ARHGEF3: variants seen among roughly 807,000 people sequenced by gnomAD.
ARHGEF3 encodes the protein Rho guanine nucleotide exchange factor 3.
ARHGEF3 carries 28 observed loss-of-function variants against 63.2 expected under a neutral mutation model. The observed-to-expected ratio is 0.44, with a 90% CI of 0.33 to 0.61. The LOEUF is 0.61. Ranked by LOEUF, ARHGEF3 falls within the 20% of genes least tolerant of loss-of-function variation. The pLI, the probability that ARHGEF3 is intolerant of heterozygous loss-of-function variation, is 0.03. For missense variants in ARHGEF3, 533 were observed against 659.3 expected (o/e 0.81, Z 2.10); for synonymous variants, 266 against 254.2 (o/e 1.05, Z -0.44).
intron 3 of ARHGEF3, among the ~76,000 whole-genome samples, chr3:56,915,345 A>C (rs1353572456): frequency 1.3e-5 from 2 of 152,130 alleles, no homozygotes; most frequent in African/African-American, 4.8e-5. Flanking sequence ...GTATGCCTGT[A>C]GTCCCAGCTA....
chr3:56,977,169 C>G, intron 2 of ARHGEF3: 1 of 447,580 alleles, frequency 2.2e-6, no homozygotes. Context: ...GGATCCTGCC[C>G]CAGAGCTCCA....
chr3:56,810,260 T>C (rs758751430), intron 4 of ARHGEF3, among the ~76,000 whole-genome samples: 2 of 152,160 alleles, frequency 1.3e-5, no homozygotes, highest in Non-Finnish European at 2.9e-5. Context: ...CTCTCTAAAA[T>C]AGGCTGGGTG....
intron 1 of ARHGEF3, among the ~76,000 whole-genome samples, chr3:57,053,776 G>A (rs1224796096): frequency 6.6e-6 from 1 of 152,142 alleles, no homozygotes; most frequent in African/African-American, 2.4e-5. Flanking sequence ...CCCTGTCCCT[G>A]GCTTCTTCCA....
chr3:57,006,037 T>C (rs1702454279), intron 2 of ARHGEF3, among the ~76,000 whole-genome samples: 2 of 152,182 alleles, frequency 1.3e-5, no homozygotes, highest in African/African-American at 2.4e-5. Context: ...TGCACCCACA[T>C]AAAGCCTGAT....
intron 4 of ARHGEF3, among the ~76,000 whole-genome samples, chr3:56,871,056 G>C (rs1354270811): frequency 6.6e-6 from 1 of 152,076 alleles, no homozygotes. Flanking sequence ...TAAATATCTG[G>C]AAGGAGACAG....
At chr3:57,047,354 C>G (rs555132792) in intron 1 of ARHGEF3, among the ~76,000 whole-genome samples, 18 of 151,130 alleles carry the variant, frequency 1.2e-4, no homozygotes, top group Middle Eastern at 3.4e-3. Context: ...CCGTCTCAAA[C>G]AGAAACAAAA....
chr3:56,738,984 G>C (rs1263569200), intron 7 of ARHGEF3, among the ~76,000 whole-genome samples: 1 of 151,990 alleles, frequency 6.6e-6, no homozygotes, highest in Non-Finnish European at 1.5e-5. Context: ...CATTCCAGCT[G>C]CTTGGGAGGC....
intron 4 of ARHGEF3, among the ~76,000 whole-genome samples, chr3:56,872,498 C>T (rs1230686913): frequency 2.0e-5 from 3 of 149,750 alleles, no homozygotes; most frequent in Admixed American, 1.4e-4. Flanking sequence ...TCCTTATATA[C>T]CTCTTTTCAT....
intron 4 of ARHGEF3, among the ~76,000 whole-genome samples, chr3:56,863,080 A>T (rs1462080031): frequency 6.6e-6 from 1 of 152,160 alleles, no homozygotes; most frequent in Non-Finnish European, 1.5e-5. Flanking sequence ...TTGAAGAAAG[A>T]TGGTTGTGTA....
intron 3 of ARHGEF3, among the ~76,000 whole-genome samples, chr3:56,890,771 C>G (rs9817416): frequency 0.084 from 12,761 of 152,220 alleles, 1,793 homozygotes; most frequent in African/African-American, 0.29. Flanking sequence ...GTCAGAACAA[C>G]CCTGTTATTT....
At position 56,801,870 on chromosome 3, in the gene ARHGEF3, G is replaced by A; in HGVS notation, c.-72C>T. ...CGACTACAAAACTCCCAGGCAAAAG[G>A]GGGCCCCAGCTCCACGATGCCGGGC... is the stretch of plus-strand genomic sequence containing the variant. On this transcript the variant is annotated 5_prime_UTR_variant, in exon 1 of 10. Transcript: ENST00000296315. The A allele has an allele frequency of 6.4e-7, 1 of 1,550,848 alleles. No homozygotes were observed. The highest frequency in any genetic ancestry group is 8.7e-7 in the Non-Finnish European group (1 of 1,146,896).
chr3:57,055,368 A>G (rs9857168), intron 1 of ARHGEF3, among the ~76,000 whole-genome samples: 146,932 of 152,110 alleles, frequency 0.97, 71,174 homozygotes, highest in East Asian at 1. Flanking sequence ...CACTATGTTG[A>G]CCAGGCTGGT....
intron 4 of ARHGEF3, among the ~76,000 whole-genome samples, chr3:56,821,376 T>C (rs533640049): frequency 6.6e-6 from 1 of 152,316 alleles, no homozygotes; most frequent in Admixed American, 6.5e-5. Context: ...TATAAGCAGA[T>C]CACAAGGTAT....
At chr3:57,002,498 TTA>T (rs1553802543) in intron 2 of ARHGEF3, among the ~76,000 whole-genome samples, 549 of 13,250 alleles carry the variant, frequency 0.041, 42 homozygotes, top group East Asian at 0.12. Context: ...TATATATATG[TTA>T]TATATATATA....
intron 4 of ARHGEF3, among the ~76,000 whole-genome samples, chr3:56,881,771 T>C (rs951991881): frequency 1.3e-5 from 2 of 152,276 alleles, no homozygotes; most frequent in African/African-American, 2.4e-5. Context: ...AGTCTTTTCA[T>C]TCCTATTTTC....
chr3:56,907,954 A>G (rs1393065581), intron 3 of ARHGEF3, among the ~76,000 whole-genome samples: 1 of 152,218 alleles, frequency 6.6e-6, no homozygotes, highest in Non-Finnish European at 1.5e-5. Context: ...AATCGATACA[A>G]CAAACCCCCA....
chr3:56,845,576 A>G (rs924633459), intron 4 of ARHGEF3, among the ~76,000 whole-genome samples: 3 of 152,180 alleles, frequency 2.0e-5, no homozygotes, highest in African/African-American at 7.2e-5. Context: ...TTTCACAGTG[A>G]GAGAGAACAG....
At chr3:56,874,144 G>A (rs535760905) in intron 4 of ARHGEF3, among the ~76,000 whole-genome samples, 43 of 152,252 alleles carry the variant, frequency 2.8e-4, no homozygotes, top group African/African-American at 8.4e-4. Flanking sequence ...CATCAGAGGC[G>A]GCAGCGTCAG....
At chr3:56,964,316 GCA>G (rs1367218963) in intron 2 of ARHGEF3, among the ~76,000 whole-genome samples, 6 of 144,556 alleles carry the variant, frequency 4.2e-5, no homozygotes, top group African/African-American at 1.6e-4. Flanking sequence ...TCGTGCCACT[GCA>G]CTCCAGCCTG....
Sources: gnomAD v4.1 joint callset for allele counts (sites outside exome capture counted in the v4.1 genomes callset) on GRCh38, gnomAD v4.1.1 for gene constraint, MANE v1.5 for transcripts, NCBI Gene and HGNC (gene_info 2026-07-23, HGNC 2026-07-21) for gene names.